MTX3: variants seen among roughly 807,000 people sequenced by gnomAD.
MTX3 encodes metaxin 3, also known as metaxin-3.
MTX3 carries 27 observed loss-of-function variants against 42.5 expected under a neutral mutation model. The observed-to-expected ratio is 0.64, with a 90% confidence interval of 0.47 to 0.88. The LOEUF (loss-of-function observed/expected upper bound fraction) is 0.88, where lower values mean the gene tolerates loss of function less well. MTX3 is among the 40% of genes least tolerant of loss of function. The probability of loss-of-function intolerance (pLI) is 0.00; values close to 1 mark genes in which losing one functional copy is unlikely to be tolerated. For missense variants in MTX3, 378 were observed against 367.0 expected (o/e 1.03, Z -0.25); for synonymous variants, 144 against 132.9 (o/e 1.08, Z -0.57).
rs192968502 is a variant in MTX3, at chr5:79,981,989, T to A, written c.*1695A>T. 933 of 156,718 alleles carry A rather than the reference T, an allele frequency of 6.0e-3. 11 individuals are homozygous for A. Among genetic ancestry groups the A allele is most frequent in the African/African-American group, 0.021 (880 of 41,610 alleles). The allele number at this position is 156,718 out of a possible 1,614,324, so 9.7% of individuals were successfully genotyped here. On this transcript the variant is annotated 3_prime_UTR_variant, in exon 9 of 9. Transcript: ENST00000512528. The stretch of plus-strand genomic sequence containing the variant: ...GAATGTGCTAACCACCCTTCTCCAA[T>A]ATACATCCATCCTAGAGGACAATAA...
intron 4 of MTX3, 71 bp from the exon 5 acceptor site, chr5:79,988,715 G>A: frequency 7.6e-7 from 1 of 1,324,032 alleles, no homozygotes; most frequent in Non-Finnish European, 1.0e-6. Flanking sequence ...ATCAACATGA[G>A]AGTTTTTCAT....
chr5:79,977,731 T>C lies in MTX3; in HGVS notation c.*5953A>G, dbSNP rs942697694. Reference sequence around the variant, plus strand: ...TCTGCTTAGAATTTAGTGAAAACTATGAACCGTAGACTGTCTTCGGTAATG... The same window carrying C: ...TCTGCTTAGAATTTAGTGAAAACTACGAACCGTAGACTGTCTTCGGTAATG... On this transcript the variant is annotated 3_prime_UTR_variant, in exon 9 of 9. Coordinates refer to ENST00000512528, the MANE Select transcript of MTX3 (RefSeq NM_001363818.2). 6 of 152,254 alleles carry C rather than the reference T, an allele frequency of 3.9e-5. No homozygotes were observed. The highest frequency in any genetic ancestry group is 1.4e-4 in the African/African-American group (6 of 41,474). 9.4% of individuals were successfully genotyped at this position (152,254 alleles called of 1,614,324 possible). A position where few individuals can be genotyped will look rare whatever the true frequency, so the allele number is the denominator to read the frequency against.
Position 79,991,192 on chromosome 5 carries a change from A to T in MTX3, c.47T>A (p.Leu16His). The change falls in exon 1 of 9, where the codon CTC (leucine) becomes CAC (histidine). Residue 16 changes from leucine (L) to histidine (H), a missense_variant. By Grantham distance (99) the Leu-to-His change is moderately conservative. Transcript: ENST00000512528. Reference sequence around the variant, plus strand: ...CAGGGACTCGCTGTGAACCGATGGGAGTCCCCAGCCGCCTCCCCAGCAACT... The same window carrying T: ...CAGGGACTCGCTGTGAACCGATGGGTGTCCCCAGCCGCCTCCCCAGCAACT... ...ELSCWGGGWG[L>H]PSVHSESLVV... 1 of 1,497,956 alleles carries T rather than the reference A, an allele frequency of 6.7e-7. No homozygotes were observed. The highest frequency in any genetic ancestry group is 9.0e-7 in the Non-Finnish European group (1 of 1,117,118). The allele number at this position is 1,497,956 out of a possible 1,614,324, so 92.8% of individuals were successfully genotyped here.
rs1831331238 is a variant in MTX3, at chr5:79,979,765, T to A, written c.*3919A>T. 1 of 151,912 alleles carries A rather than the reference T, an allele frequency of 6.6e-6. No individual in the cohort carries two copies. The highest frequency in any genetic ancestry group is 1.9e-4 in the East Asian group (1 of 5,196). 9.4% of individuals were successfully genotyped at this position (151,912 alleles called of 1,614,324 possible). On this transcript the variant is annotated 3_prime_UTR_variant, in exon 9 of 9. Transcript: ENST00000512528. ...AAGGAGTTTTTGGTTTTAGGGTTTT[T>A]TTTTTCTTTTCTGGTAAGGCAAAAT...
chr5:79,990,981 T>A (rs1295868831), intron 1 of MTX3, 177 bp downstream of exon 1: 1 of 758,378 alleles, frequency 1.3e-6, no homozygotes, highest in Admixed American at 2.0e-5. Flanking sequence ...CCGCCGGCCT[T>A]CGGCGGGGGT....
In MTX3 at chr5:79,982,192, C is replaced by G; in HGVS notation, c.*1492G>C. Reference sequence around the variant, plus strand: ...AACTCATGAGGTACTTTCCCTCATCCAAACAGATGACCAAGATTTTGAAGA... The same window carrying G: ...AACTCATGAGGTACTTTCCCTCATCGAAACAGATGACCAAGATTTTGAAGA... On this transcript the variant is annotated 3_prime_UTR_variant, in exon 9 of 9. Coordinates refer to ENST00000512528, the MANE Select transcript of MTX3 (RefSeq NM_001363818.2). 3.4e-6 allele frequency: 1 copy of G among 291,286 alleles called. No homozygotes were observed. Among genetic ancestry groups the G allele is most frequent in the South Asian group, 3.3e-5 (1 of 30,356 alleles). The allele number at this position is 291,286 out of a possible 1,614,324, so 18.0% of individuals were successfully genotyped here. A position where few individuals can be genotyped will look rare whatever the true frequency, so the allele number is the denominator to read the frequency against.
Position 79,990,720 on chromosome 5 carries a change from G to C in MTX3, c.82-57C>G, listed in dbSNP as rs765165034. 3.2e-6 allele frequency: 4 copies of C among 1,268,320 alleles called. No individual in the cohort carries two copies. In the African/African-American group the frequency reaches 4.4e-5, roughly 14 times the overall value. 78.6% of individuals were successfully genotyped at this position (1,268,320 alleles called of 1,614,324 possible). ...ACCAAGTGCGTAATGCAAAGCTGCAGAGCAGCTTTACTTCACAGCCCCATC... is the reference window on the plus strand; with the variant it reads ...ACCAAGTGCGTAATGCAAAGCTGCACAGCAGCTTTACTTCACAGCCCCATC... On this transcript the variant is annotated intron_variant, in intron 1 of 8. Transcript: ENST00000512528.
At chr5:79,990,876 AG>A (rs1178088029) in intron 1 of MTX3, 1 of 708,928 alleles carries the variant, frequency 1.4e-6, no homozygotes, top group Admixed American at 2.0e-5. Context: ...CAGAGTAGGG[AG>A]GGCGCGCCCC....
rs1490514118 is a variant in MTX3 at position 79,986,953 on chromosome 5, C to A, written c.736G>T (p.Gly246Ter). ...AGCTGAAAAAGAGCCAGCTTACCTC[C>A]AAGACTAAGCCTAAAATAACTGCTC... ...ILSSYFRLSL[G>*]GISPAGQETV... is the part of the protein sequence containing the mutation. Residue 246 changes from glycine (G) to a stop codon, truncating the protein, a stop_gained, in exon 7 of 9, where the codon GGA becomes TGA. Coordinates refer to ENST00000512528, the MANE Select transcript of MTX3 (RefSeq NM_001363818.2). LOFTEE classifies it high-confidence loss of function. 3.7e-6 allele frequency: 6 copies of A among 1,613,120 alleles called. No homozygotes were observed. Among genetic ancestry groups the A allele is most frequent in the Non-Finnish European group, 5.1e-6 (6 of 1,179,554 alleles).
chr5:79,987,774 G>A (rs1157612795), intron 6 of MTX3, among the ~76,000 whole-genome samples: 2 of 152,138 alleles, frequency 1.3e-5, no homozygotes, highest in Non-Finnish European at 2.9e-5. Flanking sequence ...ATCACTGGTA[G>A]AAAAAGTTTC....
Position 79,991,184 on chromosome 5 carries a change from C to T in MTX3, c.55G>A (p.Val19Ile), listed in dbSNP as rs1831656288. 3 of 1,505,976 alleles carry T rather than the reference C, an allele frequency of 2.0e-6. No individual in the cohort carries two copies. Among genetic ancestry groups the T allele is most frequent in the Non-Finnish European group, 2.7e-6 (3 of 1,121,200 alleles). 93.3% of individuals were successfully genotyped at this position (1,505,976 alleles called of 1,614,324 possible). A position where few individuals can be genotyped will look rare whatever the true frequency, so the allele number is the denominator to read the frequency against. ...ATCACCACCAGGGACTCGCTGTGAA[C>T]CGATGGGAGTCCCCAGCCGCCTCCC... ...CWGGGWGLPS[V>I]HSESLVVMAY... The change falls in exon 1 of 9, where the codon GTT (valine) becomes ATT (isoleucine). Residue 19 changes from valine to isoleucine, a missense_variant. Transcript: ENST00000512528.
intron 4 of MTX3, 80 bp downstream of exon 4, chr5:79,989,072 T>C: frequency 1.0e-6 from 1 of 977,050 alleles, no homozygotes; most frequent in Non-Finnish European, 1.5e-6. Flanking sequence ...TTAAGACTTT[T>C]CTCATTGGTT....
chr5:79,989,817 A>AG (rs1831587876), intron 3 of MTX3, among the ~76,000 whole-genome samples: 1 of 152,248 alleles, frequency 6.6e-6, no homozygotes, highest in South Asian at 2.1e-4. Context: ...GTGAGAGCTC[A>AG]GGTGTCATGC....
At position 79,983,456 on chromosome 5, in the gene MTX3, C is replaced by G; in HGVS notation, c.*228G>C. On this transcript the variant is annotated 3_prime_UTR_variant, in exon 9 of 9. Coordinates refer to ENST00000512528, the MANE Select transcript of MTX3 (RefSeq NM_001363818.2). ...CAGTACGATGTGTTTTTCTTCCCCG[C>G]CCCCCCAACCAAGTTCATTTAGCAT... 2 of 514,268 alleles carry G rather than the reference C, an allele frequency of 3.9e-6. No homozygotes were observed. The highest frequency in any genetic ancestry group is 6.9e-6 in the Non-Finnish European group (2 of 289,110). 31.9% of individuals were successfully genotyped at this position (514,268 alleles called of 1,614,324 possible).
chr5:79,990,930 G>A (rs1343115897), intron 1 of MTX3: 2 of 711,284 alleles, frequency 2.8e-6, no homozygotes, highest in Non-Finnish European at 5.1e-6. Context: ...GCTTTGTGAG[G>A]CGGACAAAAC....
intron 7 of MTX3, chr5:79,986,598 A>G (rs369209492): frequency 5.2e-6 from 2 of 382,724 alleles, no homozygotes; most frequent in South Asian, 1.9e-5. Context: ...ATTTAAAGTA[A>G]TTGTCCATTT....
Position 79,986,982 on chromosome 5 carries a change from A to T in MTX3, c.707T>A (p.Ile236Asn). ...LSNLCRFCDD[I>N]LSSYFRLSLG... Reference sequence around the variant, plus strand: ...ACTAAGCCTAAAATAACTGCTCAGGATGTCATCACAAAAGCGACAGAGGTT... The same window carrying T: ...ACTAAGCCTAAAATAACTGCTCAGGTTGTCATCACAAAAGCGACAGAGGTT... The change falls in exon 7 of 9, where the codon ATC (isoleucine) becomes AAC (asparagine). Residue 236 changes from isoleucine (I) to asparagine (N), a missense_variant. By Grantham distance (149) the Ile-to-Asn change is moderately radical. Coordinates refer to ENST00000512528, the MANE Select transcript of MTX3 (RefSeq NM_001363818.2). The T allele has an allele frequency of 6.2e-7, 1 of 1,613,990 alleles. No individual in the cohort carries two copies. Among genetic ancestry groups the T allele is most frequent in the South Asian group, 1.1e-5 (1 of 91,088 alleles).
In MTX3 at chr5:79,982,971, GCCCAAGT is replaced by G. The variant is rs1831406402; in HGVS notation, c.*706_*712del. ...ACATAGGTCTAAAACTGCCACATTT[GCCCAAGT>G]AAACTAAAAGAACTCTTCCTAACCT... is the stretch of plus-strand genomic sequence containing the variant. On this transcript the variant is annotated 3_prime_UTR_variant, in exon 9 of 9. Transcript: ENST00000512528. 1 of 153,640 alleles carries G rather than the reference GCCCAAGT, an allele frequency of 6.5e-6. No individual in the cohort carries two copies. The highest frequency in any genetic ancestry group is 6.4e-5 in the Admixed American group (1 of 15,536). 9.5% of individuals were successfully genotyped at this position (153,640 alleles called of 1,614,324 possible). A position where few individuals can be genotyped will look rare whatever the true frequency, so the allele number is the denominator to read the frequency against.
At chr5:79,990,883 G>A in intron 1 of MTX3, 1 of 708,098 alleles carries the variant, frequency 1.4e-6, no homozygotes. Context: ...GGGAGGGCGC[G>A]CCCCTTGCTT....
Sources: gnomAD v4.1 joint callset for allele counts (sites outside exome capture counted in the v4.1 genomes callset) on GRCh38, gnomAD v4.1.1 for gene constraint, MANE v1.5 for transcripts, NCBI Gene and HGNC (gene_info 2026-07-23, HGNC 2026-07-21) for gene names.